GART: variants seen among roughly 807,000 people sequenced by gnomAD.
GART encodes phosphoribosylglycinamide formyltransferase, phosphoribosylglycinamide synthetase, phosphoribosylaminoimidazole synthetase.
GART carries 43 observed loss-of-function variants against 107.2 expected under a neutral mutation model. That is an observed-to-expected ratio of 0.40 (90% confidence interval 0.31 to 0.52). GART has a LOEUF of 0.52. Among genes scored for constraint, GART ranks in the 20% least tolerant of loss-of-function variants. GART has a pLI of 0.52. For synonymous variants in GART, 434 were observed against 427.0 expected (o/e 1.02, Z -0.20); for missense variants, 1,107 against 1,206.5 (o/e 0.92, Z 1.22).
chr21:33,531,840 T>C (rs549090621), intron 5 of GART: 4 of 371,598 alleles, frequency 1.1e-5, no homozygotes, highest in South Asian at 1.1e-4. Flanking sequence ...GAAAAACAGA[T>C]GTTTTCATTA....
At chr21:33,506,567 A>C (rs536889486) in intron 18 of GART, among the ~76,000 whole-genome samples, 1 of 152,358 alleles carries the variant, frequency 6.6e-6, no homozygotes, top group Admixed American at 6.5e-5. Flanking sequence ...GGCACAGGCA[A>C]CTAAAGTAAA....
chr21:33,515,973 C>A (rs1342859533), intron 16 of GART, among the ~76,000 whole-genome samples: 1 of 151,992 alleles, frequency 6.6e-6, no homozygotes, highest in Non-Finnish European at 1.5e-5. Flanking sequence ...TGGGGCCGGG[C>A]GCGGTGGCTC....
chr21:33,536,851 G>T (rs548909375), intron 2 of GART, among the ~76,000 whole-genome samples: 1 of 152,306 alleles, frequency 6.6e-6, no homozygotes, highest in South Asian at 2.1e-4. Flanking sequence ...AGACTGGTGT[G>T]CAATGTAAAA....
In GART at chr21:33,520,418, CT is replaced by C; in HGVS notation, c.1647del (p.Ala550LeufsTer36). ...SCGKLDLSVT[E>X]AVVAGIAKAC... ...GCTTTAGCAATTCCAGCAACAACAG[CT>C]TCAGTTACACTGAGGTCAAGTTTTC... is the stretch of plus-strand genomic sequence containing the variant. On this transcript the variant is annotated frameshift_variant, in exon 14 of 22. Transcript: ENST00000381815. LOFTEE classifies it high-confidence loss of function. 1 of 1,614,194 alleles carries C rather than the reference CT, an allele frequency of 6.2e-7. No homozygotes were observed. The highest frequency in any genetic ancestry group is 8.5e-7 in the Non-Finnish European group (1 of 1,180,028).
Position 33,532,392 on chromosome 21 carries a change from C to T in GART, c.481G>A (p.Ala161Thr), listed in dbSNP as rs760279876. The T allele has an allele frequency of 6.2e-7, 1 of 1,614,080 alleles. No individual in the cohort carries two copies. Among genetic ancestry groups the T allele is most frequent in the South Asian group, 1.1e-5 (1 of 91,082 alleles). Reference sequence around the variant, plus strand: ...TTGCAGGCCTCTTCTTTGCTCTTTGCAACAATCACCCCTTTTCCAGCTGCA... The same window carrying T: ...TTGCAGGCCTCTTCTTTGCTCTTTGTAACAATCACCCCTTTTCCAGCTGCA... ...GLAAGKGVIVAKSKEEACKAV... is the reference protein window; with the variant it reads ...GLAAGKGVIVTKSKEEACKAV... The change falls in exon 5 of 22, where the codon GCA (alanine) becomes ACA (threonine). Residue 161 changes from alanine (A) to threonine (T), a missense_variant. Transcript: ENST00000381815.
chr21:33,509,925 A>G lies in GART; in HGVS notation c.2315-5T>C. The G allele has an allele frequency of 6.2e-7, 1 of 1,605,968 alleles. No homozygotes were observed. The highest frequency in any genetic ancestry group is 8.5e-7 in the Non-Finnish European group (1 of 1,177,024). ...TGACTTTCACACGTGGGGAACCTTC[A>G]TTTCAAACATATCCATAAATAAGTA... is the stretch of plus-strand genomic sequence containing the variant. On this transcript the variant is annotated splice_polypyrimidine_tract_variant and splice_region_variant and intron_variant, in intron 17 of 21. Transcript: ENST00000381815.
At chr21:33,524,387 A>C (rs921867481) in intron 11 of GART, 56 of 649,380 alleles carry the variant, frequency 8.6e-5, no homozygotes, top group Non-Finnish European at 1.0e-4. Flanking sequence ...CATCTCCACA[A>C]AAAATACAAA....
chr21:33,542,882 T>C (rs1254008406), upstream of GART: 7 of 599,596 alleles, frequency 1.2e-5, no homozygotes, highest in African/African-American at 3.7e-5. Context: ...GGCGCAAACG[T>C]CAGCACCTCT....
At chr21:33,535,704 T>C (rs77981784) in intron 2 of GART, among the ~76,000 whole-genome samples, 7,084 of 152,272 alleles carry the variant, frequency 0.047, 567 homozygotes, top group African/African-American at 0.16. Context: ...ATCCACTATG[T>C]GCTAAGTACT....
At chr21:33,519,325 A>G (rs1404812156) in intron 14 of GART, among the ~76,000 whole-genome samples, 1 of 152,124 alleles carries the variant, frequency 6.6e-6, no homozygotes, top group Non-Finnish European at 1.5e-5. Context: ...AGGCCGAGGC[A>G]GGCAGATCAC....
chr21:33,508,458 A>C (rs1601171745), intron 18 of GART, among the ~76,000 whole-genome samples: 2 of 149,550 alleles, frequency 1.3e-5, no homozygotes, highest in East Asian at 3.9e-4. Flanking sequence ...TGATAGAAAA[A>C]TTTTCAACCC....
At position 33,506,023 on chromosome 21, in the gene GART, G is replaced by A. The variant is rs2084672606; in HGVS notation, c.2534C>T (p.Ala845Val). 1 of 1,614,074 alleles carries A rather than the reference G, an allele frequency of 6.2e-7. No homozygotes were observed. Among genetic ancestry groups the A allele is most frequent in the African/African-American group, 1.3e-5 (1 of 74,936 alleles). The change falls in exon 19 of 22, where the codon GCC becomes GTC. Residue 845 changes from alanine (A) to valine (V), a missense_variant. Transcript: ENST00000381815. ...AQIDIVISNK[A>V]AVAGLDKAER... The stretch of plus-strand genomic sequence containing the variant: ...CGCTTTATCTAACCCAGCTACTGCG[G>A]CTTTGTTGGAGATAACAATATCAAT...
In GART at chr21:33,525,353, AAC is replaced by A. The variant is rs573993228; in HGVS notation, c.1067-355_1067-354del. Among the ~76,000 whole-genome samples, 4 of 152,310 alleles carry A rather than the reference AAC, an allele frequency of 2.6e-5. 1 individual carries two copies. In the East Asian group the frequency reaches 7.7e-4, roughly 29 times the overall value. ...ATCGCACCACTGCTCCAAACCCAGC[AAC>A]AGAGACCCTGTCTCCAAATAAATAA... On this transcript the variant is annotated intron_variant, in intron 10 of 21. Transcript: ENST00000381815.
At position 33,531,504 on chromosome 21, in the gene GART, G is replaced by A. The variant is rs142064839; in HGVS notation, c.582C>T (p.Asp194=). The A allele has an allele frequency of 2.1e-5, 34 of 1,611,768 alleles. No individual in the cohort carries two copies. Among genetic ancestry groups the A allele is most frequent in the East Asian group, 1.6e-4 (7 of 44,812 alleles). Reference sequence around the variant, plus strand: ...ATATACATACCGACACCTCTTCTCCGTCAAGAAGTTCTTCAATGACAATTG... The same window carrying A: ...ATATACATACCGACACCTCTTCTCCATCAAGAAGTTCTTCAATGACAATTG... ...GETIVIEELL[D]GEEVSCLCFT... is the part of the protein sequence containing the mutation. The change falls in exon 6 of 22, where the codon GAC becomes GAT. Residue 194 remains aspartate, a synonymous_variant. Transcript: ENST00000381815.
At chr21:33,520,857 T>C in intron 13 of GART, 49 bp downstream of exon 13, 2 of 1,300,108 alleles carry the variant, frequency 1.5e-6, no homozygotes, top group Non-Finnish European at 2.2e-6. Flanking sequence ...TTGATATAAA[T>C]TTCCTCATCT....
At chr21:33,522,036 A>C in intron 12 of GART, 152 bp downstream of exon 12, 1 of 575,440 alleles carries the variant, frequency 1.7e-6, no homozygotes, top group Non-Finnish European at 3.1e-6. Flanking sequence ...ATATTAAAGA[A>C]AAGAAAGCAG....
chr21:33,508,515 C>CTTTTTTT (rs764380446), intron 18 of GART, among the ~76,000 whole-genome samples: 8 of 109,834 alleles, frequency 7.3e-5, no homozygotes, highest in Admixed American at 3.1e-4. Flanking sequence ...TTGTTTCCAT[C>CTTTTTTT]TTTTTTTTTT....
chr21:33,534,275 C>T (rs2085259595), intron 4 of GART, among the ~76,000 whole-genome samples: 1 of 152,150 alleles, frequency 6.6e-6, no homozygotes, highest in Non-Finnish European at 1.5e-5. Flanking sequence ...TGCAGTGGCA[C>T]AATCTTGGCT....
At chr21:33,539,021 C>A (rs1397683635) in intron 2 of GART, 150 bp downstream of exon 2, 1 of 577,988 alleles carries the variant, frequency 1.7e-6, no homozygotes, top group Non-Finnish European at 2.9e-6. Context: ...ACCTCATGAT[C>A]CGCATATCTC....
Sources: allele counts gnomAD v4.1 joint callset (sites outside exome capture counted in the v4.1 genomes callset), GRCh38; gene constraint gnomAD v4.1.1; transcripts MANE v1.5; gene names NCBI Gene and HGNC (gene_info 2026-07-23, HGNC 2026-07-21).